The following NRG1 variants were observed in gnomAD, a reference collection of about 807,000 sequenced individuals.
NRG1 encodes the protein neuregulin 1, also known as pro-neuregulin-1, membrane-bound isoform.
NRG1 carries 18 observed loss-of-function variants against 63.8 expected under a neutral mutation model. The ratio of observed to expected loss-of-function variants is 0.28; its 90% CI spans 0.19 to 0.42. The LOEUF is 0.42. Ranked by LOEUF, NRG1 falls within the 10% of genes least tolerant of loss-of-function variation. NRG1 has a pLI of 1.00. For synonymous variants in NRG1, 302 were observed against 301.3 expected, an observed-to-expected ratio of 1.00 and a Z score of -0.02; for missense variants, 762 against 814.7, an observed-to-expected ratio of 0.94 and a Z score of 0.79.
chr8:31,940,309 A>G (rs1392159280), intron 1 of NRG1, among the ~76,000 whole-genome samples: 1 of 152,192 alleles, frequency 6.6e-6, no homozygotes, highest in Non-Finnish European at 1.5e-5. Context: ...TCATTGAGTC[A>G]ACAAGGAAAT....
At chr8:32,740,117 C>T (rs765515979) in intron 6 of NRG1, among the ~76,000 whole-genome samples, 1 of 150,460 alleles carries the variant, frequency 6.6e-6, no homozygotes, top group Non-Finnish European at 1.5e-5. Context: ...TTCTTATATA[C>T]GTTCAGTAAG....
chr8:32,223,944 G>A (rs1846075096), intron 1 of NRG1, among the ~76,000 whole-genome samples: 1 of 152,140 alleles, frequency 6.6e-6, no homozygotes, highest in South Asian at 2.1e-4. Context: ...GCTGATTTTG[G>A]AAGAGTTCAC....
At chr8:31,916,114 A>C (rs953245951) in intron 1 of NRG1, among the ~76,000 whole-genome samples, 1 of 152,160 alleles carries the variant, frequency 6.6e-6, no homozygotes, top group East Asian at 1.9e-4. Flanking sequence ...CAGGAGATAG[A>C]TTATACTAGA....
At chr8:32,179,030 A>G (rs1463608745) in intron 1 of NRG1, among the ~76,000 whole-genome samples, 2 of 151,928 alleles carry the variant, frequency 1.3e-5, no homozygotes, top group Non-Finnish European at 2.9e-5. Context: ...GTTTCTGCAG[A>G]TCCATTTCAT....
chr8:32,022,054 T>TTGC (rs1033530612), intron 1 of NRG1, among the ~76,000 whole-genome samples: 1 of 148,178 alleles, frequency 6.7e-6, no homozygotes, highest in Non-Finnish European at 1.5e-5. Context: ...TCCAGGTATT[T>TTGC]TGTTGTTGTT....
chr8:31,794,459 A>T (rs942283585), intron 1 of NRG1, among the ~76,000 whole-genome samples: 1 of 151,270 alleles, frequency 6.6e-6, no homozygotes, highest in Non-Finnish European at 1.5e-5. Flanking sequence ...GTAATCTAGT[A>T]TGAGGGAAAC....
chr8:31,782,569 T>C (rs1819789709), intron 1 of NRG1, among the ~76,000 whole-genome samples: 1 of 152,194 alleles, frequency 6.6e-6, no homozygotes, highest in Non-Finnish European at 1.5e-5. Flanking sequence ...AATGAATGAA[T>C]AAATGATTAG....
chr8:31,928,274 A>G lies in NRG1; in HGVS notation c.37+288843A>G, dbSNP rs531183488. Among the ~76,000 whole-genome samples, 5 of 151,250 alleles carry G rather than the reference A, an allele frequency of 3.3e-5. No individual in the cohort carries two copies. In the East Asian group the frequency reaches 9.9e-4, roughly 30 times the overall value. On this transcript the variant is annotated intron_variant, in intron 1 of 10. Transcript: ENST00000519301. The stretch of plus-strand genomic sequence containing the variant: ...GAGGGAAATGCAAATTAAAATCACA[A>G]TGACATACCACCTTACCCCCCAGCC...
At chr8:32,271,165 CA>C (rs1308364149) in intron 1 of NRG1, among the ~76,000 whole-genome samples, 1 of 151,968 alleles carries the variant, frequency 6.6e-6, no homozygotes, top group Non-Finnish European at 1.5e-5. Flanking sequence ...GAGAATTTTC[CA>C]AAAACTGCGT....
At chr8:32,584,265 T>G (rs1320814679) in intron 1 of NRG1, among the ~76,000 whole-genome samples, 8 of 152,114 alleles carry the variant, frequency 5.3e-5, no homozygotes, top group Admixed American at 5.2e-4. Context: ...TTTTGGTTAT[T>G]TTCCACCTCT....
At chr8:32,217,305 A>C (rs1208865565) in intron 1 of NRG1, among the ~76,000 whole-genome samples, 1 of 151,868 alleles carries the variant, frequency 6.6e-6, no homozygotes, top group Non-Finnish European at 1.5e-5. Flanking sequence ...TGATCTAAGA[A>C]AAGGGAGAGG....
chr8:31,787,166 A>G (rs1245374017), intron 1 of NRG1, among the ~76,000 whole-genome samples: 1 of 152,212 alleles, frequency 6.6e-6, no homozygotes, highest in Non-Finnish European at 1.5e-5. Context: ...GAAGCCTTCT[A>G]TTTCAGTAGT....
intron 1 of NRG1, among the ~76,000 whole-genome samples, chr8:32,591,050 C>T (rs995242997): frequency 1.3e-5 from 2 of 152,240 alleles, no homozygotes; most frequent in Non-Finnish European, 2.9e-5. Context: ...GTACCACTGA[C>T]GGCAGAACAT....
At chr8:31,639,760 T>A in intron 1 of NRG1, 1 of 1,361,650 alleles carries the variant, frequency 7.3e-7, no homozygotes. Flanking sequence ...CTTTTTTTTT[T>A]TTGCCCTTAT....
Position 32,760,144 on chromosome 8 carries a change from T to C in NRG1, c.1053-56T>C, listed in dbSNP as rs1830426392. 7 of 1,596,636 alleles carry C rather than the reference T, an allele frequency of 4.4e-6. No homozygotes were observed. In the South Asian group the frequency reaches 4.4e-5, roughly 10 times the overall value. On this transcript the variant is annotated intron_variant, in intron 10 of 11. Transcript: ENST00000356819. Reference sequence around the variant, plus strand: ...GAATCCATTCCTTTCATTTCCATTTTTTTGCATATAATTTTTGCACGAAAT... The same window carrying C: ...GAATCCATTCCTTTCATTTCCATTTCTTTGCATATAATTTTTGCACGAAAT...
intron 1 of NRG1, among the ~76,000 whole-genome samples, chr8:32,178,756 G>C (rs934089583): frequency 1.3e-5 from 2 of 152,076 alleles, no homozygotes; most frequent in South Asian, 2.1e-4. Flanking sequence ...GAGTGGAGAG[G>C]AATATACAAG....
intron 1 of NRG1, among the ~76,000 whole-genome samples, chr8:31,923,064 G>A (rs896128807): frequency 3.4e-5 from 5 of 149,010 alleles, no homozygotes; most frequent in Non-Finnish European, 6.0e-5. Flanking sequence ...GAGATGAGAG[G>A]CTTCTTGATT....
At chr8:32,398,144 T>C (rs1812682881) in intron 1 of NRG1, among the ~76,000 whole-genome samples, 1 of 152,164 alleles carries the variant, frequency 6.6e-6, no homozygotes, top group African/African-American at 2.4e-5. Context: ...TTAGTTTATA[T>C]ATGGATTTTT....
chr8:31,798,699 T>C (rs1339880834), intron 1 of NRG1, among the ~76,000 whole-genome samples: 1 of 152,184 alleles, frequency 6.6e-6, no homozygotes, highest in African/African-American at 2.4e-5. Flanking sequence ...AATTATATGA[T>C]ATAGCATAAT....
Sources: allele counts gnomAD v4.1 joint callset (sites outside exome capture counted in the v4.1 genomes callset), GRCh38; gene constraint gnomAD v4.1.1; transcripts MANE v1.5; gene names NCBI Gene and HGNC (gene_info 2026-07-23, HGNC 2026-07-21).